Variants in DLC1 observed in about 807,000 individuals in gnomAD.
DLC1 encodes the protein DLC1 Rho GTPase activating protein.
A neutral mutation model predicts 140.3 loss-of-function variants in DLC1; 54 were observed. The ratio of observed to expected loss-of-function variants is 0.38; its 90% CI spans 0.31 to 0.48. The LOEUF (loss-of-function observed/expected upper bound fraction) is 0.48. DLC1 is among the 20% of genes least tolerant of loss of function. The probability of loss-of-function intolerance (pLI) is 0.96; values close to 1 mark genes in which losing one functional copy is unlikely to be tolerated. For synonymous variants in DLC1, 986 were observed against 728.1 expected, an observed-to-expected ratio of 1.35 and a Z score of -5.70; for missense variants, 2,536 against 1,907.0, an observed-to-expected ratio of 1.33 and a Z score of -6.14.
intron 10 of DLC1, among the ~76,000 whole-genome samples, chr8:13,097,273 A>ATTCTTATTT (rs1377225334): frequency 6.6e-6 from 1 of 150,872 alleles, no homozygotes; most frequent in African/African-American, 2.4e-5. Flanking sequence ...TATTATTATT[A>ATTCTTATTT]TTTTTTGAGA....
intron 5 of DLC1, among the ~76,000 whole-genome samples, chr8:13,155,545 A>G (rs1224206792): frequency 6.6e-6 from 1 of 152,136 alleles, no homozygotes; most frequent in African/African-American, 2.4e-5. Context: ...TAATTAATAA[A>G]ATATTGAGAT....
At chr8:13,434,494 G>A (rs978194521) in intron 2 of DLC1, among the ~76,000 whole-genome samples, 1 of 151,986 alleles carries the variant, frequency 6.6e-6, no homozygotes, top group African/African-American at 2.4e-5. Context: ...GTGTGTTCAT[G>A]CACATGTGTG....
intron 5 of DLC1, among the ~76,000 whole-genome samples, chr8:13,157,471 A>C (rs201178727): frequency 6.6e-6 from 1 of 152,112 alleles, no homozygotes; most frequent in Non-Finnish European, 1.5e-5. Context: ...GAACAAAAAA[A>C]GGCAGTGATT....
intron 3 of DLC1, among the ~76,000 whole-genome samples, 195 bp downstream of exon 3, chr8:13,401,275 G>A (rs568361825): frequency 6.6e-5 from 10 of 152,264 alleles, no homozygotes; most frequent in Admixed American, 5.2e-4. Flanking sequence ...CCATTTCTCT[G>A]TGGCCTCTCT....
intron 2 of DLC1, among the ~76,000 whole-genome samples, chr8:13,474,533 T>C (rs62494116): frequency 0.26 from 39,072 of 152,042 alleles, 5,970 homozygotes; most frequent in Middle Eastern, 0.37. Context: ...GAATGGTAGA[T>C]CCACCCACAA....
chr8:13,174,844 C>T (rs1449622676), intron 5 of DLC1, among the ~76,000 whole-genome samples: 11 of 151,924 alleles, frequency 7.2e-5, no homozygotes, highest in African/African-American at 2.7e-4. Context: ...TTTTGCTGTG[C>T]AGAAGTTCTT....
intron 5 of DLC1, among the ~76,000 whole-genome samples, chr8:13,229,329 G>T (rs1489797957): frequency 6.6e-6 from 1 of 152,116 alleles, no homozygotes; most frequent in African/African-American, 2.4e-5. Context: ...AAAGAAGCCA[G>T]TCACAATGGA....
intron 4 of DLC1, among the ~76,000 whole-genome samples, chr8:13,317,707 A>G (rs1302828348): frequency 1.3e-5 from 2 of 152,144 alleles, no homozygotes; most frequent in African/African-American, 4.8e-5. Flanking sequence ...GGGAGAAAGT[A>G]TAGAAGGAAA....
intron 5 of DLC1, among the ~76,000 whole-genome samples, chr8:13,125,294 G>C (rs1821456778): frequency 6.6e-6 from 1 of 152,168 alleles, no homozygotes; most frequent in South Asian, 2.1e-4. Flanking sequence ...CTTTTTAAGA[G>C]ATCGACTTCT....
At chr8:13,120,356 A>AAAAAAAAAAAAAAATATATATATATATAT in intron 5 of DLC1, among the ~76,000 whole-genome samples, 10 of 61,132 alleles carry the variant, frequency 1.6e-4, no homozygotes, top group Admixed American at 2.7e-4. Context: ...AAAAAAAAAA[A>AAAAAAAAAAAAAAATATATATATATATAT]ATATATATAT....
intron 5 of DLC1, among the ~76,000 whole-genome samples, chr8:13,245,340 C>A (rs887579144): frequency 2.6e-5 from 4 of 152,218 alleles, no homozygotes; most frequent in South Asian, 2.1e-4. Context: ...TGGCCAATAT[C>A]CCGGACATTG....
At chr8:13,123,083 C>A (rs548372266) in intron 5 of DLC1, among the ~76,000 whole-genome samples, 4 of 152,154 alleles carry the variant, frequency 2.6e-5, no homozygotes, top group African/African-American at 9.7e-5. Context: ...GAGTACAGCG[C>A]GTATGAGGAC....
intron 5 of DLC1, among the ~76,000 whole-genome samples, chr8:13,139,639 A>G (rs1249640260): frequency 6.6e-6 from 1 of 152,224 alleles, no homozygotes; most frequent in Non-Finnish European, 1.5e-5. Flanking sequence ...TATTGACAGT[A>G]GGAATTCCTT....
intron 4 of DLC1, among the ~76,000 whole-genome samples, chr8:13,360,985 C>G (rs1301731690): frequency 6.6e-6 from 1 of 151,702 alleles, no homozygotes; most frequent in Admixed American, 6.6e-5. Context: ...GATCTCAATA[C>G]TTGGGGAGGT....
Position 13,100,209 on chromosome 8 carries a change from G to C in DLC1, c.2128C>G (p.Gln710Glu), listed in dbSNP as rs372035885. ...QEGMDEEKLK[Q>E]LNCVEISALN... The stretch of plus-strand genomic sequence containing the variant: ...GCGGAGATCTCCACGCAGTTGAGCT[G>C]CTTCAGCTTCTCCTCATCCATCCCC... Residue 710 changes from glutamine (Q) to glutamate (E), a missense_variant, in exon 9 of 18, where the codon CAG (glutamine) becomes GAG (glutamate). Gln to Glu is a conservative substitution (Grantham distance 29, BLOSUM62 2). Transcript: ENST00000276297. 2 of 1,614,066 alleles carry C rather than the reference G, an allele frequency of 1.2e-6. No homozygotes were observed. Among genetic ancestry groups the C allele is most frequent in the African/African-American group, 2.7e-5 (2 of 74,928 alleles).
In DLC1 at chr8:13,315,242, C is replaced by G. The variant is rs75086279; in HGVS notation, c.1315-9940G>C. 5.4e-3 allele frequency among the ~76,000 whole-genome samples: 824 copies of G among 152,264 alleles called. 10 individuals are homozygous for G. Among genetic ancestry groups the G allele is most frequent in the African/African-American group, 0.019 (789 of 41,540 alleles). ...CCAGCATGAACAAGATGGTGAGACC[C>G]TGTCTCCACATACATACATATATAC... On this transcript the variant is annotated intron_variant, in intron 4 of 17. Transcript: ENST00000276297.
intron 5 of DLC1, among the ~76,000 whole-genome samples, chr8:13,153,480 C>A (rs1453248653): frequency 1.3e-5 from 2 of 152,218 alleles, no homozygotes; most frequent in Non-Finnish European, 2.9e-5. Flanking sequence ...ACCAAAGCTT[C>A]CACAGTGTGG....
chr8:13,417,878 T>G (rs1377159298), intron 2 of DLC1, among the ~76,000 whole-genome samples: 1 of 152,168 alleles, frequency 6.6e-6, no homozygotes. Context: ...ACCTGTTGTT[T>G]CCTGACTTTT....
At chr8:13,531,785 C>G (rs1585247285) in intron 1 of DLC1, among the ~76,000 whole-genome samples, 1 of 152,146 alleles carries the variant, frequency 6.6e-6, no homozygotes, top group Non-Finnish European at 1.5e-5. Flanking sequence ...AAAACACGAG[C>G]CATCCTCACC....
Sources: allele counts gnomAD v4.1 joint callset (sites outside exome capture counted in the v4.1 genomes callset), GRCh38; gene constraint gnomAD v4.1.1; transcripts MANE v1.5; gene names NCBI Gene and HGNC (gene_info 2026-07-23, HGNC 2026-07-21).